TCF7L1: variants seen among roughly 807,000 people sequenced by gnomAD.
TCF7L1 encodes the protein transcription factor 7 like 1, also known as transcription factor 7-like 1.
Under a neutral mutation model 63.7 loss-of-function variants are expected in TCF7L1, and 18 were observed. The observed-to-expected ratio is 0.28, with a 90% CI of 0.20 to 0.42. TCF7L1 has a LOEUF of 0.42. TCF7L1 is among the 10% of genes least tolerant of loss of function. The pLI is 1.00. For synonymous variants in TCF7L1, 355 were observed against 340.9 expected (o/e 1.04, Z -0.46); for missense variants, 654 against 779.3 (o/e 0.84, Z 1.91).
intron 3 of TCF7L1, among the ~76,000 whole-genome samples, chr2:85,196,742 C>T (rs1679166287): frequency 6.6e-6 from 1 of 152,156 alleles, no homozygotes; most frequent in Non-Finnish European, 1.5e-5. Flanking sequence ...GAGGATAGTG[C>T]ATTTAATAAT....
chr2:85,224,628 GTCAT>G (rs1409142460), intron 3 of TCF7L1, among the ~76,000 whole-genome samples: 6 of 152,204 alleles, frequency 3.9e-5, no homozygotes, highest in Admixed American at 6.5e-5. Flanking sequence ...TTTTGATGGG[GTCAT>G]TTGTTTTTTT....
intron 3 of TCF7L1, among the ~76,000 whole-genome samples, chr2:85,159,341 C>T (rs561275602): frequency 6.6e-6 from 1 of 152,274 alleles, no homozygotes; most frequent in East Asian, 1.9e-4. Context: ...TGGTCTCCTG[C>T]TCAGCCTGCA....
intron 4 of TCF7L1, among the ~76,000 whole-genome samples, chr2:85,288,843 G>T (rs2104374376): frequency 6.6e-6 from 1 of 152,290 alleles, no homozygotes; most frequent in South Asian, 2.1e-4. Context: ...CATGCCAGGT[G>T]CCTGTCTTCC....
Position 85,309,499 on chromosome 2 carries a change from T to C in TCF7L1, c.*37T>C, listed in dbSNP as rs370153608. On this transcript the variant is annotated 3_prime_UTR_variant, in exon 12 of 12. Transcript: ENST00000282111. Reference sequence around the variant, plus strand: ...CCCCTGCAGGCTGTCACATGACTCATTGAGTAGTAATGATTCAGAAGAAAA... The same window carrying C: ...CCCCTGCAGGCTGTCACATGACTCACTGAGTAGTAATGATTCAGAAGAAAA... 1.4e-4 allele frequency: 211 copies of C among 1,509,706 alleles called. No homozygotes were observed. The highest frequency in any genetic ancestry group is 1.8e-4 in the Non-Finnish European group (200 of 1,128,542). 93.5% of individuals were successfully genotyped at this position (1,509,706 alleles called of 1,614,324 possible). A position where few individuals can be genotyped will look rare whatever the true frequency, so the allele number is the denominator to read the frequency against.
chr2:85,161,853 G>A (rs1482615322), intron 3 of TCF7L1, among the ~76,000 whole-genome samples: 1 of 152,064 alleles, frequency 6.6e-6, no homozygotes, highest in Non-Finnish European at 1.5e-5. Context: ...TGGGTCTTTC[G>A]AGGCAGAGCT....
chr2:85,143,378 G>A (rs1056830279), intron 3 of TCF7L1, among the ~76,000 whole-genome samples: 5 of 152,166 alleles, frequency 3.3e-5, no homozygotes, highest in African/African-American at 9.7e-5. Context: ...GTCTGAATAA[G>A]CCTCTTCAAT....
At chr2:85,244,841 C>T (rs1420750943) in intron 3 of TCF7L1, among the ~76,000 whole-genome samples, 1 of 152,098 alleles carries the variant, frequency 6.6e-6, no homozygotes, top group Non-Finnish European at 1.5e-5. Context: ...GTGGGCACTA[C>T]AGCTTTTGCA....
intron 3 of TCF7L1, among the ~76,000 whole-genome samples, chr2:85,256,582 G>T (rs1009671712): frequency 3.3e-5 from 5 of 152,202 alleles, no homozygotes; most frequent in Non-Finnish European, 7.3e-5. Context: ...GGAGGGGTCG[G>T]CTCACAGCTC....
chr2:85,211,983 G>A (rs1679559298), intron 3 of TCF7L1, among the ~76,000 whole-genome samples: 2 of 151,248 alleles, frequency 1.3e-5, no homozygotes, highest in Admixed American at 6.6e-5. Flanking sequence ...CCAGCTACTC[G>A]GGATGCTGAG....
intron 3 of TCF7L1, among the ~76,000 whole-genome samples, chr2:85,234,153 T>C (rs796132322): frequency 0.026 from 3,473 of 134,308 alleles, 114 homozygotes; most frequent in African/African-American, 0.073. Context: ...TTTTTTTTTT[T>C]CGAGATGGAG....
chr2:85,220,768 A>G (rs572316013), intron 3 of TCF7L1, among the ~76,000 whole-genome samples: 9 of 152,336 alleles, frequency 5.9e-5, no homozygotes, highest in Admixed American at 2.0e-4. Flanking sequence ...TTAAAATTAA[A>G]GCTTATTTTG....
intron 5 of TCF7L1, 69 bp from the exon 6 acceptor site, chr2:85,303,826 C>T (rs1450449750): frequency 2.6e-5 from 32 of 1,211,322 alleles, no homozygotes; most frequent in Non-Finnish European, 3.8e-5. Flanking sequence ...AGGATGCTCC[C>T]ATTTGATGTT....
intron 3 of TCF7L1, among the ~76,000 whole-genome samples, chr2:85,248,042 T>G (rs750764270): frequency 6.6e-6 from 1 of 152,178 alleles, no homozygotes; most frequent in Non-Finnish European, 1.5e-5. Context: ...TATCTTCCTA[T>G]GGTGATTGAA....
At chr2:85,148,528 T>A (rs914568092) in intron 3 of TCF7L1, among the ~76,000 whole-genome samples, 1 of 152,128 alleles carries the variant, frequency 6.6e-6, no homozygotes, top group African/African-American at 2.4e-5. Flanking sequence ...TAATGATAAA[T>A]GGGGACAGAT....
chr2:85,186,689 T>G (rs1281430974), intron 3 of TCF7L1: 3 of 152,248 alleles, frequency 2.0e-5, no homozygotes, highest in African/African-American at 7.2e-5. Context: ...TATCCCATTC[T>G]TCAACCATGC....
chr2:85,261,498 G>A (rs1048881011), intron 3 of TCF7L1, among the ~76,000 whole-genome samples: 2 of 152,230 alleles, frequency 1.3e-5, no homozygotes, highest in Non-Finnish European at 2.9e-5. Context: ...CCACCAGCAA[G>A]CATGTGTCTT....
chr2:85,155,227 C>G (rs968785127), intron 3 of TCF7L1, among the ~76,000 whole-genome samples: 1 of 152,144 alleles, frequency 6.6e-6, no homozygotes, highest in Non-Finnish European at 1.5e-5. Context: ...TTGTAAAATG[C>G]ACCAATCAGC....
chr2:85,155,009 G>A (rs550380626), intron 3 of TCF7L1, among the ~76,000 whole-genome samples: 8 of 152,082 alleles, frequency 5.3e-5, no homozygotes, highest in African/African-American at 1.4e-4. Context: ...TAAAGACGGG[G>A]TTTCACCATG....
At chr2:85,202,995 G>A (rs1462237429) in intron 3 of TCF7L1, among the ~76,000 whole-genome samples, 8 of 151,964 alleles carry the variant, frequency 5.3e-5, no homozygotes, top group South Asian at 2.1e-4. Context: ...CACCACGCCC[G>A]GCTAATTTTT....
Sources: allele counts gnomAD v4.1 joint callset (sites outside exome capture counted in the v4.1 genomes callset), GRCh38; gene constraint gnomAD v4.1.1; transcripts MANE v1.5; gene names NCBI Gene and HGNC (gene_info 2026-07-23, HGNC 2026-07-21).